The following ADGRL3 variants were observed in gnomAD, a reference collection of about 807,000 sequenced individuals.
ADGRL3 encodes the protein calcium-independent alpha-latrotoxin receptor 3.
Under a neutral mutation model 153.5 loss-of-function variants are expected in ADGRL3, and 62 were observed. The observed-to-expected ratio is 0.40, with a 90% confidence interval of 0.33 to 0.50. The LOEUF (loss-of-function observed/expected upper bound fraction) is 0.50. Ranked by LOEUF, ADGRL3 falls within the 20% of genes least tolerant of loss-of-function variation. ADGRL3 has a pLI of 0.47. For missense variants in ADGRL3, 1,641 were observed against 1,859.4 expected, an observed-to-expected ratio of 0.88 and a Z score of 2.16; for synonymous variants, 710 against 672.5, an observed-to-expected ratio of 1.06 and a Z score of -0.86.
chr4:61,693,084 T>A (rs962003513), intron 6 of ADGRL3, among the ~76,000 whole-genome samples: 8 of 152,142 alleles, frequency 5.3e-5, no homozygotes, highest in African/African-American at 1.9e-4. Flanking sequence ...GTAAAACAAC[T>A]TAAAGATAAG....
intron 9 of ADGRL3, among the ~76,000 whole-genome samples, chr4:61,867,540 A>ATATATATATATATATATATATG (rs201200813): frequency 2.6e-4 from 35 of 132,110 alleles, no homozygotes; most frequent in African/African-American, 8.9e-4. Flanking sequence ...ATATATATAT[A>ATATATATATATATATATATATG]ATTGTAGGAG....
chr4:61,379,941 A>G (rs2096647752), intron 1 of ADGRL3, among the ~76,000 whole-genome samples: 1 of 152,014 alleles, frequency 6.6e-6, no homozygotes, highest in Non-Finnish European at 1.5e-5. Context: ...TTGAGGATGT[A>G]GAGTCTGAAT....
At chr4:61,812,359 G>T (rs906893504) in intron 8 of ADGRL3, among the ~76,000 whole-genome samples, 1 of 152,154 alleles carries the variant, frequency 6.6e-6, no homozygotes, top group African/African-American at 2.4e-5. Flanking sequence ...TATCAACAGG[G>T]AGCCATATTA....
chr4:61,473,233 GT>G (rs2097990667), intron 2 of ADGRL3, among the ~76,000 whole-genome samples: 3 of 149,570 alleles, frequency 2.0e-5, no homozygotes, highest in Admixed American at 1.3e-4. Flanking sequence ...GTGTGTGTGT[GT>G]GTGTGTGTGG....
intron 8 of ADGRL3, among the ~76,000 whole-genome samples, chr4:61,805,469 GT>G (rs1403187384): frequency 6.6e-6 from 1 of 152,056 alleles, no homozygotes; most frequent in African/African-American, 2.4e-5. Flanking sequence ...CTGGTTTATA[GT>G]TTTACTCTTG....
At chr4:61,822,481 C>T (rs1205857846) in intron 9 of ADGRL3, among the ~76,000 whole-genome samples, 1 of 152,056 alleles carries the variant, frequency 6.6e-6, no homozygotes, top group Non-Finnish European at 1.5e-5. Flanking sequence ...CTTTATAATA[C>T]TAATAGAATG....
chr4:61,862,186 T>A (rs1278058925), intron 9 of ADGRL3, among the ~76,000 whole-genome samples: 3 of 152,210 alleles, frequency 2.0e-5, no homozygotes, highest in Non-Finnish European at 4.4e-5. Flanking sequence ...GGGGTTACCA[T>A]GACATGGGTC....
chr4:61,200,640 C>G lies in ADGRL3; in HGVS notation c.-1365C>G, dbSNP rs1049206546. 6.6e-6 allele frequency among the ~76,000 whole-genome samples: 1 copy of G among 151,728 alleles called. No homozygotes were observed. Among genetic ancestry groups the G allele is most frequent in the African/African-American group, 2.4e-5 (1 of 41,296 alleles). On this transcript the variant is annotated 5_prime_UTR_variant, in exon 1 of 27. Coordinates refer to ENST00000683033, the MANE Select transcript of ADGRL3 (RefSeq NM_001387552.1). ...TCTTTCTTCTCTTTTTGCCTTGGTC[C>G]TCTTCCTACGGGTGTGCGCGCGCGC... is the stretch of plus-strand genomic sequence containing the variant.
intron 1 of ADGRL3, among the ~76,000 whole-genome samples, chr4:61,237,634 G>C (rs1277234269): frequency 6.6e-6 from 1 of 152,128 alleles, no homozygotes; most frequent in Non-Finnish European, 1.5e-5. Context: ...CTTTGAAAAA[G>C]CAAAAAATTA....
chr4:61,522,399 C>T (rs1042921205), intron 4 of ADGRL3, among the ~76,000 whole-genome samples: 1 of 151,978 alleles, frequency 6.6e-6, no homozygotes, highest in African/African-American at 2.4e-5. Context: ...TAAAGTGATG[C>T]TTTATCTTGA....
intron 1 of ADGRL3, among the ~76,000 whole-genome samples, chr4:61,310,233 A>G (rs1361676313): frequency 2.6e-5 from 4 of 151,862 alleles, no homozygotes; most frequent in African/African-American, 9.7e-5. Context: ...AAATGAAAAT[A>G]TATAAAATGG....
intron 13 of ADGRL3, among the ~76,000 whole-genome samples, chr4:61,934,596 C>A (rs1044184441): frequency 1.4e-4 from 21 of 152,074 alleles, no homozygotes; most frequent in East Asian, 3.9e-4. Context: ...AGCAAGCATG[C>A]CTTTATTTGT....
At chr4:61,673,576 A>T (rs2095079766) in intron 5 of ADGRL3, among the ~76,000 whole-genome samples, 1 of 151,554 alleles carries the variant, frequency 6.6e-6, no homozygotes, top group African/African-American at 2.4e-5. Flanking sequence ...GTCTTTGTGG[A>T]CTAAATTGTT....
At chr4:62,002,166 A>G (rs2151109617) in intron 21 of ADGRL3, among the ~76,000 whole-genome samples, 1 of 150,736 alleles carries the variant, frequency 6.6e-6, no homozygotes, top group African/African-American at 2.4e-5. Flanking sequence ...AAATCTGATC[A>G]TGCAACACTC....
chr4:61,496,470 C>G (rs374433336), intron 2 of ADGRL3, among the ~76,000 whole-genome samples: 1 of 151,484 alleles, frequency 6.6e-6, no homozygotes, highest in African/African-American at 2.4e-5. Flanking sequence ...TCAAGACCAG[C>G]CTGACCAACA....
intron 12 of ADGRL3, among the ~76,000 whole-genome samples, chr4:61,910,629 C>CA (rs1395240237): frequency 2.6e-5 from 4 of 151,802 alleles, no homozygotes; most frequent in Admixed American, 2.0e-4. Context: ...ATGATTGAAA[C>CA]AATTTTAGGG....
At position 61,983,363 on chromosome 4, in the gene ADGRL3, T is replaced by C. The variant is rs1290872994; in HGVS notation, c.3016-20T>C. 1.9e-6 allele frequency: 3 copies of C among 1,601,170 alleles called. No homozygotes were observed. Among genetic ancestry groups the C allele is most frequent in the Non-Finnish European group, 2.6e-6 (3 of 1,169,452 alleles). ...CCCATGTGGTAGAGATTTGACTAAA[T>C]CATTTGTTCCTTTTCCTAGATTGCC... On this transcript the variant is annotated intron_variant, in intron 18 of 26. Coordinates refer to ENST00000683033, the MANE Select transcript of ADGRL3 (RefSeq NM_001387552.1).
chr4:62,068,276 C>T lies in ADGRL3; in HGVS notation c.3832+93C>T, dbSNP rs1258360180. On this transcript the variant is annotated intron_variant, in intron 26 of 26. Coordinates refer to ENST00000683033, the MANE Select transcript of ADGRL3 (RefSeq NM_001387552.1). Reference sequence around the variant, plus strand: ...ATATAGATGATGTAGTTATTAAAAACAGTTCATCTCACAATTTAAAAACTA... The same window carrying T: ...ATATAGATGATGTAGTTATTAAAAATAGTTCATCTCACAATTTAAAAACTA... 4.4e-6 allele frequency: 5 copies of T among 1,132,408 alleles called. No individual in the cohort carries two copies. The East Asian group carries it at 1.0e-4, about 23-fold the overall frequency. The allele number at this position is 1,132,408 out of a possible 1,614,324, so 70.1% of individuals were successfully genotyped here.
At chr4:61,552,172 T>TCA (rs1377742291) in intron 4 of ADGRL3, among the ~76,000 whole-genome samples, 1 of 1,138 alleles carries the variant, frequency 8.8e-4, no homozygotes, top group African/African-American at 1.2e-3. Flanking sequence ...AATAACAGGC[T>TCA]CATATGTCAC....
Sources: gnomAD v4.1 joint callset for allele counts (sites outside exome capture counted in the v4.1 genomes callset) on GRCh38, gnomAD v4.1.1 for gene constraint, MANE v1.5 for transcripts, NCBI Gene and HGNC (gene_info 2026-07-23, HGNC 2026-07-21) for gene names.